COL13A1: variants seen among roughly 807,000 people sequenced by gnomAD.
COL13A1 encodes collagen alpha-1(XIII) chain.
In COL13A1, 89 loss-of-function variants were observed where a neutral mutation model predicts 130.9. The observed-to-expected ratio is 0.68, with a 90% confidence interval of 0.57 to 0.81. The LOEUF is 0.81. Among genes scored for constraint, COL13A1 ranks in the 30% least tolerant of loss-of-function variants. The probability of loss-of-function intolerance (pLI) is 0.00; values close to 1 mark genes in which losing one functional copy is unlikely to be tolerated. For synonymous variants in COL13A1, 402 were observed against 341.6 expected (o/e 1.18, Z -1.95); for missense variants, 879 against 934.6 (o/e 0.94, Z 0.78).
intron 7 of COL13A1, among the ~76,000 whole-genome samples, chr10:69,883,554 T>A (rs1014720721): frequency 1.3e-5 from 2 of 152,198 alleles, no homozygotes; most frequent in East Asian, 3.9e-4. Context: ...GTGACACCAG[T>A]GATCACATAA....
chr10:69,837,200 CG>C (rs1264700143), intron 2 of COL13A1, among the ~76,000 whole-genome samples: 1 of 152,196 alleles, frequency 6.6e-6, no homozygotes, highest in Non-Finnish European at 1.5e-5. Flanking sequence ...TCGGGGTGTT[CG>C]GGAATCTGGA....
intron 34 of COL13A1, among the ~76,000 whole-genome samples, chr10:69,939,995 C>T (rs1437186673): frequency 1.3e-5 from 2 of 152,204 alleles, no homozygotes; most frequent in Non-Finnish European, 2.9e-5. Flanking sequence ...AGTTTTCAAG[C>T]ACTCAGTCCT....
chr10:69,864,258 T>C (rs1203097917), intron 2 of COL13A1, among the ~76,000 whole-genome samples: 1 of 152,182 alleles, frequency 6.6e-6, no homozygotes, highest in African/African-American at 2.4e-5. Context: ...TGCGGTGTTA[T>C]AGTTACCATG....
intron 2 of COL13A1, among the ~76,000 whole-genome samples, chr10:69,840,403 C>T (rs1171279725): frequency 6.6e-6 from 1 of 152,168 alleles, no homozygotes; most frequent in Non-Finnish European, 1.5e-5. Flanking sequence ...TTGCTGGTTC[C>T]CCTTCCACTT....
At chr10:69,839,097 T>A (rs1850885023) in intron 2 of COL13A1, among the ~76,000 whole-genome samples, 1 of 152,248 alleles carries the variant, frequency 6.6e-6, no homozygotes, top group African/African-American at 2.4e-5. Flanking sequence ...TATCCTGCAA[T>A]CTGGATGTGT....
intron 6 of COL13A1, among the ~76,000 whole-genome samples, chr10:69,880,060 G>C (rs1426113911): frequency 6.6e-6 from 1 of 152,062 alleles, no homozygotes; most frequent in African/African-American, 2.4e-5. Context: ...AGCATCCTGG[G>C]CTGGGCCGGG....
At chr10:69,921,143 T>A (rs1049286831) in intron 21 of COL13A1, among the ~76,000 whole-genome samples, 2 of 152,170 alleles carry the variant, frequency 1.3e-5, no homozygotes, top group African/African-American at 4.8e-5. Context: ...GGGCTCCATC[T>A]GAGGGCCAAG....
rs535886942 is a variant in COL13A1 at position 69,957,871 on chromosome 10, A to C, written c.2185-828A>C. On this transcript the variant is annotated intron_variant, in intron 40 of 40. Transcript: ENST00000645393. ...CCCCACCACCATTGTCTCAAGGTTC[A>C]TCCTCATAAAGGGACCGGAGACTCC... Among the ~76,000 whole-genome samples, 5 of 152,300 alleles carry C rather than the reference A, an allele frequency of 3.3e-5. No individual in the cohort carries two copies. In the East Asian group the frequency reaches 9.7e-4, roughly 29 times the overall value.
chr10:69,862,676 C>A (rs1442379398), intron 2 of COL13A1, among the ~76,000 whole-genome samples: 5 of 152,174 alleles, frequency 3.3e-5, no homozygotes, highest in Non-Finnish European at 7.3e-5. Context: ...TCTCCATGTG[C>A]CTCCTTCAAG....
intron 2 of COL13A1, among the ~76,000 whole-genome samples, chr10:69,845,401 C>T (rs147798081): frequency 0.044 from 6,712 of 152,130 alleles, 172 homozygotes; most frequent in African/African-American, 0.076. Context: ...CCATGTTGGC[C>T]AGGCTGGTCT....
intron 1 of COL13A1, among the ~76,000 whole-genome samples, chr10:69,806,045 C>G (rs556114235): frequency 7.2e-5 from 11 of 152,258 alleles, no homozygotes; most frequent in Non-Finnish European, 1.2e-4. Context: ...GGTTCATCTT[C>G]CATTAAATCT....
intron 15 of COL13A1, among the ~76,000 whole-genome samples, chr10:69,903,202 C>G (rs563100356): frequency 6.6e-6 from 1 of 152,382 alleles, no homozygotes; most frequent in East Asian, 1.9e-4. Flanking sequence ...CTGAGTCAGG[C>G]AGTGGGTTCT....
At chr10:69,866,717 A>T (rs562669778) in intron 2 of COL13A1, among the ~76,000 whole-genome samples, 1 of 152,188 alleles carries the variant, frequency 6.6e-6, no homozygotes, top group Non-Finnish European at 1.5e-5. Context: ...ATGGCTTGAC[A>T]GAGGCCAGCA....
At chr10:69,823,331 C>T (rs1483117794) in intron 2 of COL13A1, among the ~76,000 whole-genome samples, 1 of 152,208 alleles carries the variant, frequency 6.6e-6, no homozygotes, top group East Asian at 1.9e-4. Flanking sequence ...TTCACTGTTT[C>T]CCTGAGGAAC....
rs552622048 is a variant in COL13A1, at chr10:69,872,401, C to G, written c.399+191C>G. The stretch of plus-strand genomic sequence containing the variant: ...TTCCTCCTTTGAGATCTAGAGAGGA[C>G]CCTGCTGGGGCATCTTTAGCTACAG... On this transcript the variant is annotated intron_variant, in intron 4 of 40. Transcript: ENST00000645393. Among the ~76,000 whole-genome samples the G allele has an allele frequency of 2.6e-5, 4 of 152,328 alleles. No homozygotes were observed. In the East Asian group the frequency reaches 7.7e-4, roughly 29 times the overall value.
chr10:69,809,619 C>G (rs554747803), intron 1 of COL13A1, among the ~76,000 whole-genome samples: 1 of 152,242 alleles, frequency 6.6e-6, no homozygotes, highest in Non-Finnish European at 1.5e-5. Context: ...CTAGGATGTA[C>G]TTGTCTGTAT....
chr10:69,940,623 A>G (rs2067490352), intron 34 of COL13A1, among the ~76,000 whole-genome samples: 1 of 152,200 alleles, frequency 6.6e-6, no homozygotes, highest in Admixed American at 6.5e-5. Flanking sequence ...ATTCCAAGAC[A>G]TCTCTCTAAG....
chr10:69,910,192 T>C (rs962060136), intron 17 of COL13A1, among the ~76,000 whole-genome samples: 1 of 152,002 alleles, frequency 6.6e-6, no homozygotes, highest in African/African-American at 2.4e-5. Context: ...TGCTCTCTGC[T>C]TGGAGTAAGG....
At chr10:69,903,729 T>C (rs1289848807) in intron 15 of COL13A1, among the ~76,000 whole-genome samples, 3 of 152,148 alleles carry the variant, frequency 2.0e-5, no homozygotes, top group Non-Finnish European at 4.4e-5. Context: ...ATAAATTAAT[T>C]GTGAAAAGAA....
Sources: allele counts gnomAD v4.1 joint callset (sites outside exome capture counted in the v4.1 genomes callset), GRCh38; gene constraint gnomAD v4.1.1; transcripts MANE v1.5; gene names NCBI Gene and HGNC (gene_info 2026-07-23, HGNC 2026-07-21).